CAST: variants seen among roughly 807,000 people sequenced by gnomAD.
The protein encoded by CAST is MIR583 host.
CAST carries 76 observed loss-of-function variants against 119.6 expected under a neutral mutation model. That is an observed-to-expected ratio of 0.64 (90% CI 0.53 to 0.77). The LOEUF (loss-of-function observed/expected upper bound fraction) is 0.77, where lower values mean the gene tolerates loss of function less well. CAST is among the 30% of genes least tolerant of loss of function. The probability of loss-of-function intolerance (pLI) is 0.00; values close to 1 mark genes in which losing one functional copy is unlikely to be tolerated. For synonymous variants in CAST, 319 were observed against 331.6 expected (o/e 0.96, Z 0.41); for missense variants, 953 against 946.5 (o/e 1.01, Z -0.09).
the CAST span, among the ~76,000 whole-genome samples, chr5:96,476,277 A>G: frequency 1.3e-5 from 2 of 152,208 alleles, no homozygotes; most frequent in African/African-American, 2.4e-5. Flanking sequence ...AATTATTTTT[A>G]TTGATTTTTT....
At chr5:96,272,773 A>G in the CAST span, among the ~76,000 whole-genome samples, 1 of 152,220 alleles carries the variant, frequency 6.6e-6, no homozygotes, top group African/African-American at 2.4e-5. Flanking sequence ...AAAAGAAAAG[A>G]CAAATAGTTA....
the CAST span, among the ~76,000 whole-genome samples, chr5:96,414,030 T>C: frequency 1.4e-5 from 2 of 138,080 alleles, no homozygotes; most frequent in Admixed American, 1.5e-4. Flanking sequence ...TCCTAGCTAC[T>C]CAGGAGGCTG....
chr5:96,507,397 G>A, the CAST span, among the ~76,000 whole-genome samples: 1 of 152,112 alleles, frequency 6.6e-6, no homozygotes, highest in Non-Finnish European at 1.5e-5. Flanking sequence ...GCATCCAGTC[G>A]AATCTTACCT....
chr5:95,975,319 A>G, the CAST span, among the ~76,000 whole-genome samples: 2 of 152,194 alleles, frequency 1.3e-5, no homozygotes, highest in African/African-American at 4.8e-5. Context: ...TTTAGTGTAC[A>G]TAAGAATTAC....
At chr5:96,107,897 A>G in the CAST span, among the ~76,000 whole-genome samples, 13 of 152,174 alleles carry the variant, frequency 8.5e-5, no homozygotes, top group African/African-American at 3.1e-4. Context: ...ACATAGTCCC[A>G]TATTTCTTGG....
At chr5:96,635,893 T>C (rs1449270256) in intron 1 of CAST, among the ~76,000 whole-genome samples, 1 of 152,242 alleles carries the variant, frequency 6.6e-6, no homozygotes, top group Admixed American at 6.5e-5. Context: ...TCATCAATTC[T>C]TCTTCCCTAC....
At chr5:96,400,244 G>A in the CAST span, 2 of 1,195,930 alleles carry the variant, frequency 1.7e-6, no homozygotes, top group Non-Finnish European at 2.5e-6. Context: ...CCTTGCAAAA[G>A]CAAGTGCTAA....
the CAST span, among the ~76,000 whole-genome samples, chr5:96,227,504 G>T: frequency 6.6e-6 from 1 of 152,232 alleles, no homozygotes; most frequent in African/African-American, 2.4e-5. Flanking sequence ...TCAATGTCTG[G>T]ACCGCTCAGG....
the CAST span, among the ~76,000 whole-genome samples, chr5:96,466,941 GT>G: frequency 6.6e-6 from 1 of 152,116 alleles, no homozygotes; most frequent in African/African-American, 2.4e-5. Flanking sequence ...GGTTGTACCA[GT>G]TTGCATTTGC....
At chr5:96,447,449 T>G in the CAST span, among the ~76,000 whole-genome samples, 8 of 152,100 alleles carry the variant, frequency 5.3e-5, no homozygotes, top group Admixed American at 1.3e-4. Flanking sequence ...CACACACAAG[T>G]GTGCACACAC....
the CAST span, among the ~76,000 whole-genome samples, chr5:96,337,516 C>T: frequency 5.7e-3 from 860 of 152,174 alleles, 8 homozygotes; most frequent in African/African-American, 0.02. Flanking sequence ...AGTAAGATGC[C>T]GCAAAGCTCA....
the CAST span, chr5:96,399,991 C>A: frequency 6.2e-7 from 1 of 1,614,170 alleles, no homozygotes; most frequent in African/African-American, 1.3e-5. Context: ...CACACTCTTT[C>A]TTCTCAGGCA....
the CAST span, among the ~76,000 whole-genome samples, chr5:96,195,018 T>C: frequency 6.6e-6 from 1 of 152,222 alleles, no homozygotes; most frequent in Non-Finnish European, 1.5e-5. Flanking sequence ...GGAAAAGACT[T>C]GTGGGGGACC....
chr5:96,604,759 C>T (rs1048045105), intron 1 of CAST, among the ~76,000 whole-genome samples: 2 of 152,212 alleles, frequency 1.3e-5, no homozygotes, highest in African/African-American at 2.4e-5. Flanking sequence ...GACTGCCTAA[C>T]GTCCAGGCAT....
the CAST span, among the ~76,000 whole-genome samples, chr5:96,067,897 C>G: frequency 6.6e-6 from 1 of 151,824 alleles, no homozygotes; most frequent in Non-Finnish European, 1.5e-5. Context: ...CTTGCTTACA[C>G]AGTTCCTGTA....
At chr5:96,444,115 G>C in the CAST span, among the ~76,000 whole-genome samples, 1 of 152,198 alleles carries the variant, frequency 6.6e-6, no homozygotes, top group African/African-American at 2.4e-5. Context: ...CAGGGATTGA[G>C]AGTCCACCCC....
At chr5:96,536,111 A>G (rs1327052851) in intron 1 of CAST, among the ~76,000 whole-genome samples, 3 of 140,858 alleles carry the variant, frequency 2.1e-5, no homozygotes, top group Non-Finnish European at 3.0e-5. Flanking sequence ...TAATCCCAGC[A>G]CTTTGGGAGG....
the CAST span, among the ~76,000 whole-genome samples, chr5:95,977,482 C>CT: frequency 6.6e-6 from 1 of 152,192 alleles, no homozygotes; most frequent in Non-Finnish European, 1.5e-5. Context: ...GCTTCCTGTC[C>CT]TTTCATTTAA....
chr5:96,436,010 C>G, the CAST span, among the ~76,000 whole-genome samples: 59 of 152,210 alleles, frequency 3.9e-4, 1 homozygote, highest in Non-Finnish European at 8.2e-4. Context: ...ATTTCTAGAC[C>G]CACAGAATAA....
Sources: gnomAD v4.1 joint callset for allele counts (sites outside exome capture counted in the v4.1 genomes callset) on GRCh38, gnomAD v4.1.1 for gene constraint, MANE v1.5 for transcripts, NCBI Gene and HGNC (gene_info 2026-07-23, HGNC 2026-07-21) for gene names.